TENM3: variants seen among roughly 807,000 people sequenced by gnomAD.
The protein encoded by TENM3 is teneurin transmembrane protein 3, also known as teneurin-3.
A neutral mutation model predicts 255.1 loss-of-function variants in TENM3; 63 were observed. The ratio of observed to expected loss-of-function variants is 0.25; its 90% CI spans 0.20 to 0.30. The LOEUF (loss-of-function observed/expected upper bound fraction) is 0.30. TENM3 is among the 10% of genes least tolerant of loss of function. The pLI is 1.00. For missense variants in TENM3, 2,929 were observed against 3,461.1 expected, an observed-to-expected ratio of 0.85 and a Z score of 3.86; for synonymous variants, 1,306 against 1,322.3, an observed-to-expected ratio of 0.99 and a Z score of 0.27.
chr4:181,769,749 A>G, the TENM3 span, among the ~76,000 whole-genome samples: 1 of 152,200 alleles, frequency 6.6e-6, no homozygotes, highest in African/African-American at 2.4e-5. Flanking sequence ...AGAATAAAAT[A>G]CATCTGGAAC....
At chr4:182,078,949 G>A in the TENM3 span, among the ~76,000 whole-genome samples, 1 of 152,150 alleles carries the variant, frequency 6.6e-6, no homozygotes, top group Non-Finnish European at 1.5e-5. Flanking sequence ...CACTAAGCCT[G>A]GGAGTATTTT....
At chr4:182,262,498 A>T (rs1171583446) in intron 1 of TENM3, among the ~76,000 whole-genome samples, 1 of 152,072 alleles carries the variant, frequency 6.6e-6, no homozygotes, top group African/African-American at 2.4e-5. Context: ...GACGAGAGTG[A>T]CCTCTGGTCG....
the TENM3 span, among the ~76,000 whole-genome samples, chr4:181,934,544 G>T: frequency 2.0e-5 from 3 of 152,200 alleles, no homozygotes; most frequent in Non-Finnish European, 4.4e-5. Context: ...TTATGGATGG[G>T]ACTGGAATGA....
the TENM3 span, among the ~76,000 whole-genome samples, chr4:181,804,309 CA>C: frequency 2.2e-4 from 34 of 152,018 alleles, no homozygotes; most frequent in Non-Finnish European, 1.2e-4. Flanking sequence ...ACTGTCAGTC[CA>C]ATTCTAACTG....
At chr4:182,159,013 T>C (rs1750907213) in intron 1 of TENM3, among the ~76,000 whole-genome samples, 1 of 152,176 alleles carries the variant, frequency 6.6e-6, no homozygotes, top group Non-Finnish European at 1.5e-5. Context: ...AGCCCTCAAA[T>C]CCCATTCTAT....
chr4:182,261,093 CT>C (rs531327198), intron 1 of TENM3, among the ~76,000 whole-genome samples: 3,330 of 152,212 alleles, frequency 0.022, 67 homozygotes, highest in South Asian at 0.03. Flanking sequence ...CCAGGATGGT[CT>C]CAATCTCTTG....
At chr4:182,394,502 ATCC>A (rs1330887501) in intron 3 of TENM3, among the ~76,000 whole-genome samples, 1 of 152,222 alleles carries the variant, frequency 6.6e-6, no homozygotes, top group East Asian at 1.9e-4. Flanking sequence ...GGTGGAACTT[ATCC>A]TCTTAATAAC....
At chr4:182,611,426 T>C (rs1748992644) in intron 4 of TENM3, among the ~76,000 whole-genome samples, 1 of 151,678 alleles carries the variant, frequency 6.6e-6, no homozygotes, top group African/African-American at 2.4e-5. Flanking sequence ...ATAAGTGAAC[T>C]TTATGTATTA....
intron 14 of TENM3, among the ~76,000 whole-genome samples, 197 bp downstream of exon 14, chr4:182,729,378 T>C (rs542886343): frequency 6.0e-4 from 92 of 152,352 alleles, no homozygotes; most frequent in Admixed American, 1.6e-3. Flanking sequence ...TCAATTTCAG[T>C]ACCTGAGACA....
chr4:182,756,574 C>T (rs189312392), intron 22 of TENM3, among the ~76,000 whole-genome samples: 2 of 152,234 alleles, frequency 1.3e-5, no homozygotes, highest in Admixed American at 6.5e-5. Flanking sequence ...CACAATGATA[C>T]GGTGAAGCAA....
chr4:181,879,074 CTG>C, the TENM3 span, among the ~76,000 whole-genome samples: 4 of 152,142 alleles, frequency 2.6e-5, no homozygotes, highest in African/African-American at 9.7e-5. Context: ...CTCCATGATA[CTG>C]TGTGTGTTAT....
intron 3 of TENM3, among the ~76,000 whole-genome samples, chr4:182,579,772 A>T (rs1352763837): frequency 6.6e-6 from 1 of 152,166 alleles, no homozygotes; most frequent in Admixed American, 6.5e-5. Context: ...TTAAAATCTC[A>T]TCAGCTTATT....
chr4:182,315,699 C>A (rs2150446537), intron 1 of TENM3, among the ~76,000 whole-genome samples: 1 of 152,128 alleles, frequency 6.6e-6, no homozygotes, highest in East Asian at 1.9e-4. Context: ...TTTTGTCTGT[C>A]TTCTTCTTCT....
In TENM3 at chr4:182,176,821, A is replaced by AAT. The variant is rs1561169609; in HGVS notation, c.-76+32067_-76+32068insAT. Among the ~76,000 whole-genome samples the AAT allele has an allele frequency of 9.2e-4, 104 of 113,350 alleles. 9 individuals are homozygous for AAT. The highest frequency in any genetic ancestry group is 1.2e-3 in the South Asian group (4 of 3,422). The allele number at this position is 113,350 out of a possible 152,430, so 74.4% of individuals were successfully genotyped here. The stretch of plus-strand genomic sequence containing the variant: ...GGACTACTAAATTAGCATCCGGCTA[A>AAT]TTTTTTTTTTTTTTTTTTTTTTTTT... On this transcript the variant is annotated intron_variant, in intron 1 of 2. Transcript: ENST00000512480.
the TENM3 span, among the ~76,000 whole-genome samples, chr4:181,532,862 T>G: frequency 6.6e-6 from 1 of 152,350 alleles, no homozygotes; most frequent in East Asian, 1.9e-4. Context: ...ATTTTCAGCA[T>G]CTTATTATGC....
chr4:181,553,348 A>G, the TENM3 span, among the ~76,000 whole-genome samples: 2,122 of 151,690 alleles, frequency 0.014, 65 homozygotes, highest in African/African-American at 0.048. Context: ...ACACACACAC[A>G]CACATATGTG....
At chr4:182,406,321 A>T (rs1443164678) in intron 3 of TENM3, among the ~76,000 whole-genome samples, 2 of 151,872 alleles carry the variant, frequency 1.3e-5, no homozygotes, top group East Asian at 3.9e-4. Context: ...TAAAAATAAA[A>T]ATAAATAAAA....
chr4:181,605,584 G>GAAAGAGAGA, the TENM3 span, among the ~76,000 whole-genome samples: 34 of 69,090 alleles, frequency 4.9e-4, 4 homozygotes, highest in East Asian at 3.2e-3. Context: ...GAGAAAGAAA[G>GAAAGAGAGA]GAAAGAAAGA....
intron 3 of TENM3, among the ~76,000 whole-genome samples, chr4:182,418,993 A>T (rs1029972424): frequency 1.3e-5 from 2 of 152,180 alleles, no homozygotes; most frequent in Admixed American, 6.5e-5. Context: ...AAGGTTATAA[A>T]CAGAAGATGA....
Sources: gnomAD v4.1 joint callset for allele counts (sites outside exome capture counted in the v4.1 genomes callset) on GRCh38, gnomAD v4.1.1 for gene constraint, MANE v1.5 for transcripts, NCBI Gene and HGNC (gene_info 2026-07-23, HGNC 2026-07-21) for gene names.